The following RELN variants were observed in gnomAD, a reference collection of about 807,000 sequenced individuals.
RELN encodes reelin.
A neutral mutation model predicts 427.6 loss-of-function variants in RELN; 108 were observed. That is an observed-to-expected ratio of 0.25 (90% CI 0.22 to 0.30). The LOEUF is 0.30. RELN is among the 10% of genes least tolerant of loss of function. RELN has a pLI of 1.00. For synonymous variants in RELN, 1,524 were observed against 1,513.4 expected, an observed-to-expected ratio of 1.01 and a Z score of -0.16; for missense variants, 3,715 against 4,302.8, an observed-to-expected ratio of 0.86 and a Z score of 3.82.
intron 6 of RELN, among the ~76,000 whole-genome samples, chr7:103,746,542 A>G (rs1584459287): frequency 6.6e-6 from 1 of 152,160 alleles, no homozygotes; most frequent in South Asian, 2.1e-4. Flanking sequence ...AATATCCAGA[A>G]GCTACAATGA....
chr7:103,511,005 A>G lies in RELN; in HGVS notation c.8120T>C (p.Val2707Ala). ...ATCATGGAATAGCCAGTGCTCATTC[A>G]CTTAAAACAAAAAAACAAAATTTTA... ...FDMFMEDKTS[V>A]NEHWLFHDDC... The change falls in exon 51 of 65, where the codon GTG (valine) becomes GCG (alanine). Residue 2707 changes from valine to alanine, a missense_variant and splice_region_variant. Val to Ala is a moderately conservative substitution (Grantham distance 64). Around this residue, in one of 4 missense-constraint regions of RELN, gnomAD observed 1,310 missense variants for 1,643.0 expected, o/e 0.80. Transcript: ENST00000428762. The G allele has an allele frequency of 1.2e-6, 2 of 1,613,126 alleles. No homozygotes were observed. The highest frequency in any genetic ancestry group is 1.7e-6 in the Non-Finnish European group (2 of 1,179,186).
intron 59 of RELN, 42 bp from the exon 60 acceptor site, chr7:103,489,941 T>G: frequency 6.2e-7 from 1 of 1,611,996 alleles, no homozygotes; most frequent in Non-Finnish European, 8.5e-7. Flanking sequence ...AGTAGGTTGT[T>G]ACTTCCATGG....
chr7:103,907,413 TGGA>T (rs1264022465), intron 2 of RELN, among the ~76,000 whole-genome samples: 2 of 20,582 alleles, frequency 9.7e-5, no homozygotes, highest in South Asian at 3.4e-3. Context: ...ATCAAGGCTC[TGGA>T]AAAAAAAAAA....
intron 10 of RELN, among the ~76,000 whole-genome samples, chr7:103,697,429 C>A (rs2115777650): frequency 6.6e-6 from 1 of 152,200 alleles, no homozygotes; most frequent in East Asian, 1.9e-4. Flanking sequence ...TTGTAACCCC[C>A]CAGGTCTGGA....
At chr7:103,584,477 T>A (rs927124344) in intron 28 of RELN, among the ~76,000 whole-genome samples, 1 of 152,152 alleles carries the variant, frequency 6.6e-6, no homozygotes, top group African/African-American at 2.4e-5. Flanking sequence ...AAGGGCATTA[T>A]ATAATGGTAA....
At chr7:103,860,202 C>CT (rs1343496722) in intron 2 of RELN, among the ~76,000 whole-genome samples, 2 of 152,134 alleles carry the variant, frequency 1.3e-5, no homozygotes, top group African/African-American at 2.4e-5. Flanking sequence ...TCCAAAATAA[C>CT]TTTATACTCA....
intron 46 of RELN, among the ~76,000 whole-genome samples, chr7:103,526,850 C>T (rs1321733009): frequency 6.6e-6 from 1 of 152,076 alleles, no homozygotes; most frequent in Non-Finnish European, 1.5e-5. Flanking sequence ...CAGGTGTTAT[C>T]ATTTATCTTT....
chr7:103,739,036 G>C (rs1053906165), intron 6 of RELN, among the ~76,000 whole-genome samples: 3 of 152,084 alleles, frequency 2.0e-5, no homozygotes, highest in African/African-American at 7.2e-5. Flanking sequence ...TGTTGCGACT[G>C]ACAATAATTC....
rs143175156 is a variant in RELN, at chr7:103,604,250, G to A, written c.3146+96C>T. ...TCTTTTGGCTATGTCATTATTTATC[G>A]GTCTATCCATGTCACTCTGATGACA... On this transcript the variant is annotated intron_variant, in intron 23 of 64. Coordinates refer to ENST00000428762, the MANE Select transcript of RELN (RefSeq NM_005045.4). 943 of 1,403,666 alleles carry A rather than the reference G, an allele frequency of 6.7e-4. 4 individuals carry two copies. The highest frequency in any genetic ancestry group is 4.5e-3 in the Middle Eastern group (24 of 5,318). The allele number at this position is 1,403,666 out of a possible 1,614,324, so 87.0% of individuals were successfully genotyped here.
chr7:103,673,707 T>C (rs578031054), intron 11 of RELN, among the ~76,000 whole-genome samples: 2 of 152,282 alleles, frequency 1.3e-5, no homozygotes, highest in Admixed American at 1.3e-4. Flanking sequence ...GAAGGAATTT[T>C]ACAACTCACA....
At chr7:103,916,955 C>G in intron 2 of RELN, 120 bp downstream of exon 2, 5 of 819,148 alleles carry the variant, frequency 6.1e-6, no homozygotes, top group South Asian at 4.3e-5. Flanking sequence ...AAACAAAACA[C>G]TTCAGATTAT....
intron 2 of RELN, among the ~76,000 whole-genome samples, chr7:103,895,222 G>C (rs971832879): frequency 6.6e-6 from 1 of 152,062 alleles, no homozygotes; most frequent in Admixed American, 6.6e-5. Context: ...GCATTAGAGG[G>C]CTGTACATCT....
At chr7:103,890,766 G>A (rs1418537554) in intron 2 of RELN, among the ~76,000 whole-genome samples, 1 of 152,104 alleles carries the variant, frequency 6.6e-6, no homozygotes, top group Non-Finnish European at 1.5e-5. Flanking sequence ...TCACAAAGTG[G>A]GTAGCAGCAA....
chr7:103,832,068 T>C (rs1051106967), intron 3 of RELN, among the ~76,000 whole-genome samples: 2 of 152,118 alleles, frequency 1.3e-5, no homozygotes, highest in African/African-American at 4.8e-5. Context: ...GGTGGCAGCT[T>C]GTGTAACTCA....
chr7:103,523,693 T>C (rs1829760523), intron 46 of RELN, among the ~76,000 whole-genome samples, 162 bp from the exon 47 acceptor site: 2 of 152,140 alleles, frequency 1.3e-5, no homozygotes, highest in Non-Finnish European at 2.9e-5. Context: ...CTTTTCTTTT[T>C]TTGAGATGGA....
chr7:103,522,350 T>C, intron 47 of RELN, 151 bp from the exon 48 acceptor site: 1 of 725,592 alleles, frequency 1.4e-6, no homozygotes, highest in East Asian at 2.7e-5. Context: ...CCTGCTCTCC[T>C]TAACTGTACT....
chr7:103,679,141 G>C (rs920313363), intron 11 of RELN, among the ~76,000 whole-genome samples: 1 of 152,206 alleles, frequency 6.6e-6, no homozygotes, highest in Non-Finnish European at 1.5e-5. Flanking sequence ...GGACCAGGGG[G>C]GAGGGCGGGC....
At chr7:103,957,624 C>T (rs1796460521) in intron 1 of RELN, among the ~76,000 whole-genome samples, 1 of 152,188 alleles carries the variant, frequency 6.6e-6, no homozygotes, top group East Asian at 1.9e-4. Context: ...TCACAGTCAA[C>T]AGCAGGACCT....
At chr7:103,842,932 C>A (rs1288254785) in intron 2 of RELN, among the ~76,000 whole-genome samples, 1 of 152,226 alleles carries the variant, frequency 6.6e-6, no homozygotes, top group South Asian at 2.1e-4. Context: ...TACTGAATGC[C>A]TCTCTGTGCC....
Sources: allele counts gnomAD v4.1 joint callset (sites outside exome capture counted in the v4.1 genomes callset), GRCh38; gene constraint gnomAD v4.1.1; regional missense constraint gnomAD v4.1.1; transcripts MANE v1.5; gene names NCBI Gene and HGNC (gene_info 2026-07-23, HGNC 2026-07-21).